Variants in FLII observed in about 807,000 individuals in gnomAD.
FLII encodes FLII actin remodeling protein.
FLII carries 101 observed loss-of-function variants against 156.2 expected under a neutral mutation model. That is an observed-to-expected ratio of 0.65 (90% confidence interval 0.55 to 0.76). The LOEUF is 0.76. Ranked by LOEUF, FLII falls within the 30% of genes least tolerant of loss-of-function variation. The probability of loss-of-function intolerance (pLI) is 0.00; values close to 1 mark genes in which losing one functional copy is unlikely to be tolerated. For synonymous variants in FLII, 767 were observed against 685.8 expected, an observed-to-expected ratio of 1.12 and a Z score of -1.85; for missense variants, 1,675 against 1,682.8, an observed-to-expected ratio of 1.00 and a Z score of 0.08.
At chr17:18,246,272 G>A in intron 24 of FLII, 36 bp downstream of exon 24, 4 of 1,614,098 alleles carry the variant, frequency 2.5e-6, no homozygotes, top group Non-Finnish European at 2.5e-6. Flanking sequence ...GCTCCCTGAC[G>A]CTTGCTCGCC....
Position 18,258,251 on chromosome 17 carries a change from GGGCAGCCATCCCT to G in FLII, c.63+364_63+376del, listed in dbSNP as rs1286599381. ...GCTCCACACCCGCCCCTGGGCAGCC[GGGCAGCCATCCCT>G]GAGTCAGGGCCTGGCTTGGGCGTGT... On this transcript the variant is annotated intron_variant, in intron 1 of 29. Transcript: ENST00000327031. The surrounding 1 kb of genome is among the most constrained non-coding windows in gnomAD (Gnocchi z 4.2). Among the ~76,000 whole-genome samples the G allele has an allele frequency of 2.0e-5, 3 of 152,320 alleles. No homozygotes were observed. The East Asian group carries it at 5.8e-4, about 29-fold the overall frequency.
chr17:18,245,567 G>T lies in FLII; in HGVS notation c.3597C>A (p.Asp1199Glu). 6.2e-7 allele frequency: 1 copy of T among 1,613,836 alleles called. No homozygotes were observed. The highest frequency in any genetic ancestry group is 1.3e-5 in the African/African-American group (1 of 75,044). The change falls in exon 28 of 30, where the codon GAC becomes GAA. Residue 1199 changes from aspartate (D) to glutamate (E), a missense_variant. Asp to Glu is a conservative substitution (Grantham distance 45). This residue lies in a region of FLII where 1,332 missense variants were observed against 1,269.3 expected (regional missense o/e 1.05). Coordinates refer to ENST00000327031, the MANE Select transcript of FLII (RefSeq NM_002018.4). ...DLADDDIMLL[D>E]NGQEVYMWVG... is the part of the protein sequence containing the mutation. ...GGCAACATCACACCTCTTGGCCATT[G>T]TCTAGCAACATGATGTCATCATCTG...
In FLII at chr17:18,254,628, C is replaced by T; in HGVS notation, c.468G>A (p.Leu156=). The T allele has an allele frequency of 6.2e-7, 1 of 1,613,958 alleles. No individual in the cohort carries two copies. Among genetic ancestry groups the T allele is most frequent in the Non-Finnish European group, 8.5e-7 (1 of 1,179,962 alleles). ...LFINLTDLLY[L]DLSENRLESL... is the part of the protein sequence containing the mutation. ...TCTCCAGGCGGTTCTCGCTGAGGTC[C>T]AGGTATAGTAGGTCAGTGAGGTTGA... Residue 156 remains leucine (L), a synonymous_variant, in exon 6 of 30, where the codon CTG becomes CTA. Transcript: ENST00000327031.
intron 6 of FLII, 121 bp downstream of exon 6, chr17:18,254,400 C>T: frequency 1.9e-6 from 2 of 1,030,594 alleles, no homozygotes; most frequent in Non-Finnish European, 2.8e-6. Context: ...CTGAGGGGTG[C>T]TGCCTGCACG....
intron 27 of FLII, 33 bp downstream of exon 27, chr17:18,245,711 G>A (rs758595798): frequency 2.3e-5 from 37 of 1,611,384 alleles, no homozygotes; most frequent in Non-Finnish European, 3.1e-5. Context: ...AGCAGTGCCA[G>A]GACTGAGGGG....
At chr17:18,257,851 G>A (rs182151116) in intron 1 of FLII, among the ~76,000 whole-genome samples, 1 of 152,296 alleles carries the variant, frequency 6.6e-6, no homozygotes, top group African/African-American at 2.4e-5. Flanking sequence ...CACCCTGAAG[G>A]TGAGGCTGAC....
At chr17:18,253,932 T>C in intron 7 of FLII, 147 bp downstream of exon 7, 3 of 753,294 alleles carry the variant, frequency 4.0e-6, no homozygotes, top group Non-Finnish European at 4.2e-6. Context: ...TAAGGCATCA[T>C]CATAATCGCA....
rs759512564 is a variant in FLII at position 18,254,644 on chromosome 17, G to A, written c.452C>T (p.Thr151Ile). 1.9e-6 allele frequency: 3 copies of A among 1,614,064 alleles called. No homozygotes were observed. The highest frequency in any genetic ancestry group is 2.2e-5 in the South Asian group (2 of 91,082). ...TIPNQLFINLTDLLYLDLSEN... is the reference protein window; with the variant it reads ...TIPNQLFINLIDLLYLDLSEN... ...GCTGAGGTCCAGGTATAGTAGGTCA[G>A]TGAGGTTGATGAAGAGCTGGTTGGG... is the stretch of plus-strand genomic sequence containing the variant. The change falls in exon 6 of 30, where the codon ACT becomes ATT. Residue 151 changes from threonine (T) to isoleucine (I), a missense_variant. Physicochemically the swap from Thr to Ile is moderately conservative, Grantham distance 89. Transcript: ENST00000327031.
intron 23 of FLII, 36 bp downstream of exon 23, chr17:18,246,558 C>G: frequency 6.2e-7 from 1 of 1,612,280 alleles, no homozygotes; most frequent in Non-Finnish European, 8.5e-7. Flanking sequence ...CACACCCCTC[C>G]GCCTGGCCTC....
rs1416201868 is a variant in FLII at position 18,258,596 on chromosome 17, G to C, written c.63+32C>G. ...GGCCGGGCGGAAGAGAAGGCCTGCA[G>C]GGAGGCCCGGCACGCGCCCGGCCCG... On this transcript the variant is annotated intron_variant, in intron 1 of 29. Transcript: ENST00000327031. This position sits in a 1 kb window ranked among gnomAD's most constrained non-coding sequence, Gnocchi z 4.2. 2 of 1,543,566 alleles carry C rather than the reference G, an allele frequency of 1.3e-6. No homozygotes were observed. The highest frequency in any genetic ancestry group is 1.7e-6 in the Non-Finnish European group (2 of 1,153,984).
At chr17:18,253,795 C>T in intron 7 of FLII, 76 bp from the exon 8 acceptor site, 1 of 1,384,154 alleles carries the variant, frequency 7.2e-7, no homozygotes, top group Non-Finnish European at 9.8e-7. Context: ...GTGTGAACCC[C>T]AGCTCTGCCA....
Position 18,245,938 on chromosome 17 carries a change from T to C in FLII, c.3392A>G (p.Lys1131Arg). The C allele has an allele frequency of 6.2e-7, 1 of 1,614,030 alleles. No individual in the cohort carries two copies. Among genetic ancestry groups the C allele is most frequent in the Non-Finnish European group, 8.5e-7 (1 of 1,179,960 alleles). ...CCTGCCCGCCCGCCTCCTGACCTGC[T>C]TGCTGTAGGAGGTGTCAAACATGGT... ...LNTMFDTSYS[K>R]QVINEGEEPE... The change falls in exon 26 of 30, where the codon AAG becomes AGG. Residue 1131 changes from lysine (K) to arginine (R), a missense_variant. By Grantham distance (26) the Lys-to-Arg change is conservative. Around this residue, in one of 2 missense-constraint regions of FLII, gnomAD observed 1,332 missense variants for 1,269.3 expected, o/e 1.05. Transcript: ENST00000327031.
At chr17:18,249,828 A>T (rs1294644781) in intron 14 of FLII, among the ~76,000 whole-genome samples, 1 of 150,266 alleles carries the variant, frequency 6.7e-6, no homozygotes, top group African/African-American at 2.5e-5. Flanking sequence ...CAACAAAAAA[A>T]ACAGATCTGG....
chr17:18,245,332 GCCCT>G lies in FLII; in HGVS notation c.3675+18_3675+21del. On this transcript the variant is annotated intron_variant, in intron 29 of 29. Transcript: ENST00000327031. ...CTGCCCTGCCCACAGGCCCACCTCGGCCCTCCCTCCACCCAGATTACCTGGCAGG... is the reference window on the plus strand; with the variant it reads ...CTGCCCTGCCCACAGGCCCACCTCGGCCCTCCACCCAGATTACCTGGCAGG... The G allele has an allele frequency of 6.2e-7, 1 of 1,614,138 alleles. No homozygotes were observed. Among genetic ancestry groups the G allele is most frequent in the South Asian group, 1.1e-5 (1 of 91,084 alleles).
At chr17:18,256,408 G>A in intron 3 of FLII, 118 bp downstream of exon 3, 1 of 775,416 alleles carries the variant, frequency 1.3e-6, no homozygotes, top group African/African-American at 1.7e-5. Flanking sequence ...GAGCCTCTGA[G>A]CCTGACACGG....
At chr17:18,245,693 T>A (rs754162065) in intron 27 of FLII, 33 bp from the exon 28 acceptor site, 1 of 1,611,864 alleles carries the variant, frequency 6.2e-7, no homozygotes, top group Non-Finnish European at 8.5e-7. Context: ...AGGCCAGAGG[T>A]CATAAGCAGC....
upstream of FLII, chr17:18,258,753 G>T (rs2048508010): frequency 2.6e-5 from 32 of 1,210,696 alleles, no homozygotes; most frequent in South Asian, 1.6e-4. This position sits in a 1 kb window ranked among gnomAD's most constrained non-coding sequence, Gnocchi z 4.2. Context: ...GCGCTGGGGG[G>T]AGCCGCGGGC....
rs1294992630 is a variant in FLII at position 18,254,213 on chromosome 17, G to A, written c.576-31C>T. 9.0e-6 allele frequency: 14 copies of A among 1,549,284 alleles called. No individual in the cohort carries two copies. In the South Asian group the frequency reaches 1.4e-4, roughly 15 times the overall value. On this transcript the variant is annotated intron_variant, in intron 6 of 29. Coordinates refer to ENST00000327031, the MANE Select transcript of FLII (RefSeq NM_002018.4). The stretch of plus-strand genomic sequence containing the variant: ...AGGGTGACGTGAGTGGTCAGGGCCA[G>A]GGCCCACCTAGGGAGTGTTAAGGGT...
At position 18,249,133 on chromosome 17, in the gene FLII, T is replaced by C. The variant is rs1238143262; in HGVS notation, c.1928A>G (p.Asp643Gly). The change falls in exon 16 of 30, where the codon GAC (aspartate) becomes GGC (glycine). Residue 643 changes from aspartate (D) to glycine (G), a missense_variant. Asp to Gly is a moderately conservative substitution (Grantham distance 94). Around this residue, in one of 2 missense-constraint regions of FLII, gnomAD observed 1,332 missense variants for 1,269.3 expected, o/e 1.05. Coordinates refer to ENST00000327031, the MANE Select transcript of FLII (RefSeq NM_002018.4). ...EPVPLKGTSL[D>G]PRFVFLLDRG... is the part of the protein sequence containing the mutation. ...TCACATTGTTGGGGCTCACCTTGGG[T>C]CCAGAGAGGTCCCCTTGAGGGGCAC... The C allele has an allele frequency of 6.2e-7, 1 of 1,613,702 alleles. No individual in the cohort carries two copies. The highest frequency in any genetic ancestry group is 1.3e-5 in the African/African-American group (1 of 75,026).
Sources: gnomAD v4.1 joint callset for allele counts (sites outside exome capture counted in the v4.1 genomes callset) on GRCh38, gnomAD v4.1.1 for gene constraint, gnomAD v4.1.1 regional missense constraint, Gnocchi (gnomAD v3.1) non-coding constraint, MANE v1.5 for transcripts, NCBI Gene and HGNC (gene_info 2026-07-23, HGNC 2026-07-21) for gene names.